Variants in URB1 observed in about 807,000 individuals in gnomAD.
URB1 encodes URB1 ribosome biogenesis factor, also known as nucleolar pre-ribosomal-associated protein 1.
In URB1, 197 loss-of-function variants were observed where a neutral mutation model predicts 242.3. The observed-to-expected ratio is 0.81, with a 90% confidence interval of 0.72 to 0.91. The LOEUF (loss-of-function observed/expected upper bound fraction) is 0.91, where lower values mean the gene tolerates loss of function less well. URB1 is among the 40% of genes least tolerant of loss of function. The probability of loss-of-function intolerance (pLI) is 0.00; values close to 1 mark genes in which losing one functional copy is unlikely to be tolerated. For missense variants in URB1, 2,721 were observed against 2,860.5 expected, an observed-to-expected ratio of 0.95 and a Z score of 1.11; for synonymous variants, 1,153 against 1,201.8, an observed-to-expected ratio of 0.96 and a Z score of 0.84.
At chr21:32,336,726 CCT>C (rs2032964070) in intron 28 of URB1, among the ~76,000 whole-genome samples, 1 of 152,220 alleles carries the variant, frequency 6.6e-6, no homozygotes, top group African/African-American at 2.4e-5. Context: ...AGTTGAGCCC[CCT>C]GACACTTCCC....
chr21:32,386,737 C>A (rs1378989618), intron 1 of URB1, among the ~76,000 whole-genome samples: 1 of 152,208 alleles, frequency 6.6e-6, no homozygotes, highest in African/African-American at 2.4e-5. Flanking sequence ...ACTTACATGA[C>A]ATCAGCTAAT....
At chr21:32,353,340 G>C (rs918246106) in intron 18 of URB1, among the ~76,000 whole-genome samples, 1 of 152,062 alleles carries the variant, frequency 6.6e-6, no homozygotes, top group African/African-American at 2.4e-5. Flanking sequence ...GGTGATCTTG[G>C]AAGCCATAAA....
chr21:32,340,054 A>G (rs748906917), intron 25 of URB1, among the ~76,000 whole-genome samples: 3 of 152,246 alleles, frequency 2.0e-5, no homozygotes, highest in African/African-American at 4.8e-5. Flanking sequence ...TTTCAGTCCT[A>G]TACGAATAAC....
In URB1 at chr21:32,347,148, G is replaced by A. The variant is rs566480854; in HGVS notation, c.3676C>T (p.Arg1226Cys). The A allele has an allele frequency of 2.2e-4, 340 of 1,548,724 alleles. No homozygotes were observed. In the Middle Eastern group the frequency reaches 3.4e-3, roughly 15 times the overall value. Residue 1226 changes from arginine (R) to cysteine (C), a missense_variant, in exon 22 of 39, where the codon CGC (arginine) becomes TGC (cysteine). Coordinates refer to ENST00000382751, the MANE Select transcript of URB1 (RefSeq NM_014825.3). ...GCGATGCTGAGGGCCGCCTGTGTGC[G>A]CCGGGCCAGGCAGTAGTCAAGCAGA... is the stretch of plus-strand genomic sequence containing the variant. Reference protein sequence around the residue: ...ADLLDYCLARRTQAALSIAAL... With the variant: ...ADLLDYCLARCTQAALSIAAL...
intron 14 of URB1, among the ~76,000 whole-genome samples, chr21:32,358,834 GCCTGGGTCCCATCCTGGACCCA>G (rs1410093154): frequency 6.6e-6 from 1 of 152,114 alleles, no homozygotes; most frequent in Non-Finnish European, 1.5e-5. Flanking sequence ...AGGCAGCACC[GCCTGGGTCCCATCCTGGACCCA>G]CCACTCATGG....
intron 30 of URB1, among the ~76,000 whole-genome samples, chr21:32,332,778 C>A (rs1047580085): frequency 6.6e-6 from 1 of 152,052 alleles, no homozygotes; most frequent in East Asian, 1.9e-4. Flanking sequence ...TCAGAATGCT[C>A]CCAACCAAGA....
At position 32,319,277 on chromosome 21, in the gene URB1, A is replaced by G. The variant is rs757882017; in HGVS notation, c.5732T>C (p.Leu1911Pro). The G allele has an allele frequency of 2.0e-5, 31 of 1,551,234 alleles. No individual in the cohort carries two copies. The highest frequency in any genetic ancestry group is 2.7e-5 in the Non-Finnish European group (31 of 1,146,816). Residue 1911 changes from leucine (L) to proline (P), a missense_variant, in exon 36 of 39, where the codon CTT becomes CCT. Coordinates refer to ENST00000382751, the MANE Select transcript of URB1 (RefSeq NM_014825.3). ...GAACTCATTGACCAGGTGCAGGGCA[A>G]GCCGCTTGGCAGGCTCCTGGGAGCT... ...QPSSQEPAKR[L>P]ALHLVNEFLY...
At chr21:32,359,521 TA>T (rs2033260802) in intron 14 of URB1, among the ~76,000 whole-genome samples, 1 of 152,202 alleles carries the variant, frequency 6.6e-6, no homozygotes, top group African/African-American at 2.4e-5. Context: ...ATGTAAAATG[TA>T]AAACAGTTGA....
chr21:32,366,777 T>C (rs2033351853), intron 9 of URB1, 22 bp from the exon 10 acceptor site: 1 of 1,550,096 alleles, frequency 6.5e-7, no homozygotes, highest in Non-Finnish European at 8.7e-7. Flanking sequence ...AAAAAAGAGA[T>C]TTAGGTGGTG....
chr21:32,339,948 C>T (rs945550637), intron 25 of URB1, among the ~76,000 whole-genome samples: 8 of 152,216 alleles, frequency 5.3e-5, no homozygotes, highest in Admixed American at 1.3e-4. Context: ...CTCCTCTACT[C>T]AGAACTTCCA....
chr21:32,369,013 T>C (rs1360520518), intron 8 of URB1, among the ~76,000 whole-genome samples: 1 of 152,114 alleles, frequency 6.6e-6, no homozygotes, highest in Non-Finnish European at 1.5e-5. Flanking sequence ...CATTTTGAGA[T>C]TTTACTGACG....
chr21:32,314,278 A>ACCAG lies in URB1; in HGVS notation c.*639_*640insCTGG. ...CAGCTCACTGTAGCCTCCACCTCCC[A>ACCAG]GGTTCAAGCGATTCCCCTGCCTTAG... On this transcript the variant is annotated 3_prime_UTR_variant, in exon 39 of 39. Coordinates refer to ENST00000382751, the MANE Select transcript of URB1 (RefSeq NM_014825.3). 2.6e-6 allele frequency: 1 copy of ACCAG among 382,958 alleles called. No homozygotes were observed. The highest frequency in any genetic ancestry group is 3.7e-5 in the Admixed American group (1 of 26,990). 23.7% of individuals were successfully genotyped at this position (382,958 alleles called of 1,614,324 possible).
At chr21:32,353,825 G>T (rs2033186334) in intron 18 of URB1, 108 bp downstream of exon 18, 2 of 1,347,904 alleles carry the variant, frequency 1.5e-6, no homozygotes, top group East Asian at 2.6e-5. Context: ...ACCTCCTATT[G>T]CCCTGGATTC....
chr21:32,384,764 G>A lies in URB1; in HGVS notation c.283-300C>T, dbSNP rs541573159. ...TGGGAGGCTGAGGTGGGCAGATCACGAGGTCAGGAGATTGAAACCATCCTA... is the reference window on the plus strand; with the variant it reads ...TGGGAGGCTGAGGTGGGCAGATCACAAGGTCAGGAGATTGAAACCATCCTA... On this transcript the variant is annotated intron_variant, in intron 2 of 38. Transcript: ENST00000382751. Among the ~76,000 whole-genome samples, 5 of 152,184 alleles carry A rather than the reference G, an allele frequency of 3.3e-5. No individual in the cohort carries two copies. In the South Asian group the frequency reaches 6.2e-4, roughly 19 times the overall value.
At chr21:32,331,356 T>C (rs2032891011) in intron 30 of URB1, among the ~76,000 whole-genome samples, 1 of 152,206 alleles carries the variant, frequency 6.6e-6, no homozygotes, top group African/African-American at 2.4e-5. Flanking sequence ...TACCTAATGT[T>C]AAAAATTAAT....
intron 30 of URB1, among the ~76,000 whole-genome samples, chr21:32,329,717 A>G (rs2032871875): frequency 6.6e-6 from 1 of 152,246 alleles, no homozygotes; most frequent in African/African-American, 2.4e-5. Context: ...CAAGACTGGC[A>G]GCCACATATA....
chr21:32,353,405 A>G (rs1159694654), intron 18 of URB1, among the ~76,000 whole-genome samples: 1 of 152,116 alleles, frequency 6.6e-6, no homozygotes, highest in African/African-American at 2.4e-5. Flanking sequence ...CCAACCTCCT[A>G]AAGGACAGCC....
Position 32,384,412 on chromosome 21 carries a change from T to A in URB1, c.335A>T (p.Asp112Val), listed in dbSNP as rs1409757400. The A allele has an allele frequency of 2.6e-6, 4 of 1,552,088 alleles. No homozygotes were observed. Among genetic ancestry groups the A allele is most frequent in the Non-Finnish European group, 2.6e-6 (3 of 1,147,034 alleles). The change falls in exon 3 of 39, where the codon GAT becomes GTT. Residue 112 changes from aspartate to valine, a missense_variant. By Grantham distance (152) the Asp-to-Val change is radical. Transcript: ENST00000382751. ...FEAILLRTAS[D>V]LSHFHVVGTN... is the part of the protein sequence containing the mutation. ...TCCCACAACATGGAAATGTGAAAGA[T>A]CACTTGCTGTCCGCAATAATATGGC...
At position 32,368,617 on chromosome 21, in the gene URB1, TGG is replaced by T; in HGVS notation, c.1002-21_1002-20del. 6.5e-7 allele frequency: 1 copy of T among 1,540,512 alleles called. No individual in the cohort carries two copies. ...TCCGCCTCTGTTAGAGAAAGACACA[TGG>T]GGAGAGGTCAGCAGAAAATGGTCAA... On this transcript the variant is annotated intron_variant, in intron 8 of 38. Transcript: ENST00000382751.
Sources: gnomAD v4.1 joint callset for allele counts (sites outside exome capture counted in the v4.1 genomes callset) on GRCh38, gnomAD v4.1.1 for gene constraint, MANE v1.5 for transcripts, NCBI Gene and HGNC (gene_info 2026-07-23, HGNC 2026-07-21) for gene names.